The following STK4 variants were observed in gnomAD, a reference collection of about 807,000 sequenced individuals.
STK4 encodes serine/threonine-protein kinase 4.
In STK4, 30 loss-of-function variants were observed where a neutral mutation model predicts 64.9. The ratio of observed to expected loss-of-function variants is 0.46; its 90% CI spans 0.35 to 0.63. The LOEUF is 0.63. STK4 is among the 20% of genes least tolerant of loss of function. The pLI is 0.01. For synonymous variants in STK4, 177 were observed against 199.0 expected, an observed-to-expected ratio of 0.89 and a Z score of 0.93; for missense variants, 466 against 598.5, an observed-to-expected ratio of 0.78 and a Z score of 2.31.
chr20:45,018,097 C>A (rs1192963576), intron 9 of STK4, among the ~76,000 whole-genome samples: 1 of 152,174 alleles, frequency 6.6e-6, no homozygotes, highest in Admixed American at 6.5e-5. Context: ...AAACCCAAAA[C>A]CACACACTCA....
chr20:45,075,202 G>C lies in STK4; in HGVS notation c.*26G>C, dbSNP rs1357756042. ...GCAAGGCCAGGCTGTGAGGGCCCCA[G>C]CTCCACCCAGGCTTTGGGTGAATTC... On this transcript the variant is annotated 3_prime_UTR_variant, in exon 11 of 11. Transcript: ENST00000372806. 10 of 1,609,654 alleles carry C rather than the reference G, an allele frequency of 6.2e-6. No individual in the cohort carries two copies. In the African/African-American group the frequency reaches 1.3e-4, roughly 21 times the overall value.
In STK4 at chr20:44,971,735, A is replaced by G. The variant is rs1277317030; in HGVS notation, c.36-343A>G. Among the ~76,000 whole-genome samples the G allele has an allele frequency of 1.9e-4, 27 of 142,490 alleles. No homozygotes were observed. The Admixed American group carries it at 1.9e-3, about 10-fold the overall frequency. The allele number at this position is 142,490 out of a possible 152,430, so 93.5% of individuals were successfully genotyped here. ...ACCCAAGCTTGAGCGTAGTGGCGCA[A>G]TTTCGGTTCACTGCAAACTCTGCCT... On this transcript the variant is annotated intron_variant, in intron 1 of 10. Coordinates refer to ENST00000372806, the MANE Select transcript of STK4 (RefSeq NM_006282.5).
chr20:44,966,690 T>A (rs1430017785), intron 1 of STK4, 87 bp downstream of exon 1: 4 of 1,238,368 alleles, frequency 3.2e-6, no homozygotes, highest in Non-Finnish European at 4.1e-6. Context: ...TGTGTGGGAG[T>A]CCCCGGAGCT....
intron 4 of STK4, among the ~76,000 whole-genome samples, chr20:44,985,484 AG>A (rs1408341598): frequency 1.3e-5 from 2 of 152,126 alleles, no homozygotes; most frequent in East Asian, 3.9e-4. Flanking sequence ...GCTGGATTAC[AG>A]GTGCCTGCCA....
chr20:45,040,874 C>T (rs1003427682), intron 10 of STK4, among the ~76,000 whole-genome samples: 3 of 152,076 alleles, frequency 2.0e-5, no homozygotes, highest in Non-Finnish European at 4.4e-5. Flanking sequence ...TCCTTTCCCC[C>T]ATGCCAAATA....
intron 10 of STK4, among the ~76,000 whole-genome samples, chr20:45,051,366 C>T (rs907881972): frequency 6.6e-6 from 1 of 152,100 alleles, no homozygotes; most frequent in African/African-American, 2.4e-5. Flanking sequence ...TAGTTTCTTT[C>T]TTTTCTCTAG....
chr20:44,991,244 A>G (rs2067627902), intron 5 of STK4, among the ~76,000 whole-genome samples: 1 of 152,332 alleles, frequency 6.6e-6, no homozygotes, highest in African/African-American at 2.4e-5. Flanking sequence ...CTCTTTCCCT[A>G]CAGTTGGATG....
At chr20:45,053,420 G>T (rs1020940335) in intron 10 of STK4, among the ~76,000 whole-genome samples, 1 of 152,150 alleles carries the variant, frequency 6.6e-6, no homozygotes, top group Non-Finnish European at 1.5e-5. Flanking sequence ...TGGCTGCTTG[G>T]CAGGCTTCTT....
At chr20:45,061,487 G>A (rs1227809623) in intron 10 of STK4, among the ~76,000 whole-genome samples, 1 of 152,012 alleles carries the variant, frequency 6.6e-6, no homozygotes, top group Non-Finnish European at 1.5e-5. Context: ...ATATCCACTC[G>A]GTTGCACCCA....
chr20:44,988,856 T>C (rs985335554), intron 5 of STK4, among the ~76,000 whole-genome samples: 9 of 152,104 alleles, frequency 5.9e-5, no homozygotes, highest in African/African-American at 1.7e-4. Flanking sequence ...TTGCATATTC[T>C]GAATATTTCA....
In STK4 at chr20:45,075,256, A is replaced by G; in HGVS notation, c.*80A>G. On this transcript the variant is annotated 3_prime_UTR_variant, in exon 11 of 11. Transcript: ENST00000372806. Reference sequence around the variant, plus strand: ...ATGGCTTGCCTCATGTTTGTTAGCCAGCACTTCTGCTCTGTCGTCTCTCCA... The same window carrying G: ...ATGGCTTGCCTCATGTTTGTTAGCCGGCACTTCTGCTCTGTCGTCTCTCCA... The G allele has an allele frequency of 1.3e-6, 2 of 1,540,300 alleles. No individual in the cohort carries two copies. Among genetic ancestry groups the G allele is most frequent in the Admixed American group, 1.9e-5 (1 of 53,536 alleles).
chr20:45,002,862 T>TTATA (rs1351586360), intron 9 of STK4, among the ~76,000 whole-genome samples: 1 of 152,044 alleles, frequency 6.6e-6, no homozygotes. Context: ...AAGTCCTGAT[T>TTATA]TATAGGACAT....
At chr20:45,012,124 C>T (rs913105442) in intron 9 of STK4, among the ~76,000 whole-genome samples, 16 of 151,866 alleles carry the variant, frequency 1.1e-4, no homozygotes, top group African/African-American at 3.6e-4. Flanking sequence ...CAACCTCTGC[C>T]TCCTGGGTTC....
intron 10 of STK4, among the ~76,000 whole-genome samples, chr20:45,049,914 C>T (rs1600537923): frequency 6.6e-6 from 1 of 152,176 alleles, no homozygotes; most frequent in Non-Finnish European, 1.5e-5. Context: ...CTTCCTTCCC[C>T]TCCCCTCTCT....
intron 4 of STK4, among the ~76,000 whole-genome samples, chr20:44,982,340 G>T (rs1478437133): frequency 1.4e-5 from 2 of 146,912 alleles, no homozygotes; most frequent in Non-Finnish European, 3.0e-5. Flanking sequence ...TCACTGTGTT[G>T]CCCAGGCTGG....
chr20:44,978,487 A>G lies in STK4; in HGVS notation c.161A>G (p.Gln54Arg). The G allele has an allele frequency of 6.2e-7, 1 of 1,614,182 alleles. No homozygotes were observed. The highest frequency in any genetic ancestry group is 2.2e-5 in the East Asian group (1 of 44,870). Residue 54 changes from glutamine (Q) to arginine (R), a missense_variant, in exon 3 of 11, where the codon CAG becomes CGG. Gln to Arg is a conservative substitution (Grantham distance 43, BLOSUM62 1). This residue lies in a region of STK4 where 190 missense variants were observed against 289.7 expected (regional missense o/e 0.66). Transcript: ENST00000372806. ...VYKAIHKETG[Q>R]IVAIKQVPVE... ...AAAGCTATTCATAAAGAGACCGGCC[A>G]GATTGTTGCTATTAAGCAAGTTCCT...
chr20:45,025,659 T>TTAA (rs2068331698), intron 10 of STK4, among the ~76,000 whole-genome samples: 1 of 152,216 alleles, frequency 6.6e-6, no homozygotes, highest in African/African-American at 2.4e-5. Context: ...TAGACACTTA[T>TTAA]TAATGTTCAT....
chr20:44,969,185 AT>A (rs2067203872), intron 1 of STK4, among the ~76,000 whole-genome samples: 1 of 152,194 alleles, frequency 6.6e-6, no homozygotes. Context: ...GGTGGTGGGT[AT>A]TAGGACTTCA....
At chr20:45,066,931 C>T (rs1035427772) in intron 10 of STK4, among the ~76,000 whole-genome samples, 4 of 152,100 alleles carry the variant, frequency 2.6e-5, no homozygotes, top group Admixed American at 6.5e-5. Flanking sequence ...TGATTGTCAT[C>T]TTCTTTGATT....
Sources: gnomAD v4.1 joint callset for allele counts (sites outside exome capture counted in the v4.1 genomes callset) on GRCh38, gnomAD v4.1.1 for gene constraint, gnomAD v4.1.1 regional missense constraint, MANE v1.5 for transcripts, NCBI Gene and HGNC (gene_info 2026-07-23, HGNC 2026-07-21) for gene names.